Variants in CADPS observed in about 807,000 individuals in gnomAD.
CADPS encodes the protein calcium dependent secretion activator.
CADPS carries 57 observed loss-of-function variants against 167.3 expected under a neutral mutation model. The ratio of observed to expected loss-of-function variants is 0.34; its 90% CI spans 0.28 to 0.42. The LOEUF is 0.42. Among genes scored for constraint, CADPS ranks in the 20% least tolerant of loss-of-function variants. The pLI is 1.00. For synonymous variants in CADPS, 676 were observed against 635.3 expected, an observed-to-expected ratio of 1.06 and a Z score of -0.96; for missense variants, 1,414 against 1,738.1, an observed-to-expected ratio of 0.81 and a Z score of 3.32.
chr3:62,801,394 A>G (rs771744806), intron 1 of CADPS, among the ~76,000 whole-genome samples: 6 of 152,176 alleles, frequency 3.9e-5, no homozygotes, highest in Non-Finnish European at 5.9e-5. Context: ...GGATGATGTT[A>G]AAGATATCAT....
intron 10 of CADPS, among the ~76,000 whole-genome samples, chr3:62,554,040 A>T (rs923552556): frequency 6.6e-6 from 1 of 152,250 alleles, no homozygotes; most frequent in Non-Finnish European, 1.5e-5. Flanking sequence ...TTGCATGGCC[A>T]AAGTCCATTT....
At chr3:62,643,080 G>C (rs1368795331) in intron 6 of CADPS, among the ~76,000 whole-genome samples, 1 of 152,174 alleles carries the variant, frequency 6.6e-6, no homozygotes, top group Non-Finnish European at 1.5e-5. Context: ...TGTGGATTTA[G>C]AAGGAAAATA....
rs978986198 is a variant in CADPS at position 62,563,787 on chromosome 3, T to C, written c.1645-6274A>G. On this transcript the variant is annotated intron_variant, in intron 9 of 29. Coordinates refer to ENST00000383710, the MANE Select transcript of CADPS (RefSeq NM_003716.4). ...GCCCCCACTTATGAATGAGAACATA[T>C]GATGTTTGGTTTTCCATTCCTGAGT... Among the ~76,000 whole-genome samples, 5 of 152,282 alleles carry C rather than the reference T, an allele frequency of 3.3e-5. 1 individual carries two copies. The highest frequency in any genetic ancestry group is 1.5e-5 in the Non-Finnish European group (1 of 68,030).
At chr3:62,516,000 T>C in intron 16 of CADPS, 59 bp downstream of exon 16, 1 of 1,604,166 alleles carries the variant, frequency 6.2e-7, no homozygotes, top group Non-Finnish European at 8.5e-7. Context: ...AGAGAAAGAC[T>C]TCCCCAGGGA....
chr3:62,685,060 T>G (rs920121365), intron 3 of CADPS, among the ~76,000 whole-genome samples: 10 of 152,022 alleles, frequency 6.6e-5, no homozygotes, highest in Admixed American at 6.6e-4. Flanking sequence ...TTCATAGAGT[T>G]GAAAAGTCGC....
At chr3:62,507,261 C>G (rs1204405281) in intron 17 of CADPS, among the ~76,000 whole-genome samples, 1 of 152,180 alleles carries the variant, frequency 6.6e-6, no homozygotes, top group East Asian at 1.9e-4. Context: ...TGACCTACAT[C>G]ATGCCCTTCT....
chr3:62,506,991 G>A (rs2066803740), intron 17 of CADPS, among the ~76,000 whole-genome samples: 1 of 152,176 alleles, frequency 6.6e-6, no homozygotes, highest in African/African-American at 2.4e-5. Flanking sequence ...TTTCATTTCT[G>A]AGACCAACTC....
chr3:62,451,981 A>C (rs1323273175), intron 26 of CADPS, among the ~76,000 whole-genome samples: 2 of 152,170 alleles, frequency 1.3e-5, no homozygotes, highest in Non-Finnish European at 2.9e-5. Context: ...CATATCTAGA[A>C]TGTAGGTGCT....
At chr3:62,472,104 C>T (rs138291080) in intron 24 of CADPS, among the ~76,000 whole-genome samples, 95 of 151,512 alleles carry the variant, frequency 6.3e-4, no homozygotes, top group Middle Eastern at 3.4e-3. Context: ...CAGACACAAA[C>T]GGCCACATAT....
intron 3 of CADPS, among the ~76,000 whole-genome samples, chr3:62,689,836 GGT>G (rs2078769310): frequency 6.6e-6 from 1 of 151,932 alleles, no homozygotes; most frequent in Non-Finnish European, 1.5e-5. Flanking sequence ...TGGGAGGATG[GGT>G]AAGATTTCAA....
intron 1 of CADPS, among the ~76,000 whole-genome samples, chr3:62,863,038 T>C (rs2081087729): frequency 6.6e-6 from 1 of 152,264 alleles, no homozygotes; most frequent in Admixed American, 6.5e-5. Flanking sequence ...CTATTCTGAA[T>C]AGTTATGAAC....
intron 6 of CADPS, among the ~76,000 whole-genome samples, chr3:62,629,776 G>T (rs200305820): frequency 1.1e-3 from 157 of 148,676 alleles, no homozygotes; most frequent in Non-Finnish European, 1.4e-3. Context: ...TTGTTTGTTT[G>T]TTTGTTTTTT....
chr3:62,874,964 C>T lies in CADPS; in HGVS notation c.66G>A (p.Glu22=), dbSNP rs928637379. The change falls in exon 1 of 30, where the codon GAG becomes GAA. Residue 22 remains glutamate, a synonymous_variant. Coordinates refer to ENST00000383710, the MANE Select transcript of CADPS (RefSeq NM_003716.4). This position sits in a 1 kb window ranked among gnomAD's most constrained non-coding sequence, Gnocchi z 7.1. ...CGCCGGACGGGGCCGAGCCGAGCAC[C>T]TCCTTGCCGCTCTCCTCCTCCACGA... is the stretch of plus-strand genomic sequence containing the variant. The part of the protein sequence containing the change: ...DEIVEEESGK[E]VLGSAPSGAR... 4 of 1,589,810 alleles carry T rather than the reference C, an allele frequency of 2.5e-6. No individual in the cohort carries two copies. The East Asian group carries it at 7.3e-5, about 29-fold the overall frequency.
At chr3:62,708,109 G>A (rs1460302412) in intron 3 of CADPS, among the ~76,000 whole-genome samples, 1 of 151,940 alleles carries the variant, frequency 6.6e-6, no homozygotes, top group Non-Finnish European at 1.5e-5. Flanking sequence ...ATTGTCTCTA[G>A]AGGTGAAGTC....
intron 28 of CADPS, among the ~76,000 whole-genome samples, chr3:62,410,346 T>C (rs1234911868): frequency 1.3e-5 from 2 of 152,214 alleles, no homozygotes; most frequent in African/African-American, 4.8e-5. Context: ...GCCATCTATA[T>C]TAGGAAAGCA....
At chr3:62,775,944 T>G (rs1371108017) in intron 1 of CADPS, among the ~76,000 whole-genome samples, 1 of 152,222 alleles carries the variant, frequency 6.6e-6, no homozygotes, top group Non-Finnish European at 1.5e-5. Flanking sequence ...ATATAATGAT[T>G]ACTAGTACAG....
intron 1 of CADPS, among the ~76,000 whole-genome samples, chr3:62,837,708 A>G (rs898686386): frequency 5.3e-5 from 8 of 152,362 alleles, no homozygotes; most frequent in East Asian, 3.9e-4. Flanking sequence ...ACATCCTATC[A>G]TAGAGCAAAG....
chr3:62,812,219 TAA>T (rs955728783), intron 1 of CADPS, among the ~76,000 whole-genome samples: 1 of 152,174 alleles, frequency 6.6e-6, no homozygotes, highest in African/African-American at 2.4e-5. Context: ...AGGTGATTGT[TAA>T]GTTACTTTTA....
intron 10 of CADPS, among the ~76,000 whole-genome samples, chr3:62,552,571 T>G (rs372288032): frequency 1.0e-3 from 155 of 152,308 alleles, no homozygotes; most frequent in Middle Eastern, 6.8e-3. Context: ...GGAGAATGAA[T>G]GAGTTATTAG....
Sources: allele counts gnomAD v4.1 joint callset (sites outside exome capture counted in the v4.1 genomes callset), GRCh38; gene constraint gnomAD v4.1.1; non-coding constraint Gnocchi (gnomAD v3.1); transcripts MANE v1.5; gene names NCBI Gene and HGNC (gene_info 2026-07-23, HGNC 2026-07-21).